GALNT16: variants seen among roughly 807,000 people sequenced by gnomAD.
The protein encoded by GALNT16 is polypeptide N-acetylgalactosaminyltransferase 16.
A neutral mutation model predicts 76.1 loss-of-function variants in GALNT16; 40 were observed. The ratio of observed to expected loss-of-function variants is 0.53; its 90% CI spans 0.41 to 0.68. The LOEUF is 0.68. Ranked by LOEUF, GALNT16 falls within the 30% of genes least tolerant of loss-of-function variation. The probability of loss-of-function intolerance (pLI) is 0.00; values close to 1 mark genes in which losing one functional copy is unlikely to be tolerated. For synonymous variants in GALNT16, 276 were observed against 285.2 expected (o/e 0.97, Z 0.32); for missense variants, 621 against 731.9 (o/e 0.85, Z 1.75).
chr14:69,347,312 C>T, intron 13 of GALNT16, 131 bp downstream of exon 13: 1 of 820,086 alleles, frequency 1.2e-6, no homozygotes, highest in Admixed American at 3.1e-5. Flanking sequence ...GCCAGGGGCC[C>T]CTAGACCCTG....
At chr14:69,262,145 G>GC (rs1357237851) in intron 1 of GALNT16, among the ~76,000 whole-genome samples, 1 of 152,220 alleles carries the variant, frequency 6.6e-6, no homozygotes, top group Non-Finnish European at 1.5e-5. Flanking sequence ...CTGGCCAGAT[G>GC]CTCTGTCCCT....
In GALNT16 at chr14:69,296,153, TGGCCAGTGTA is replaced by T. The variant is rs896370671; in HGVS notation, c.178-24555_178-24546del. 7.9e-4 allele frequency among the ~76,000 whole-genome samples: 121 copies of T among 152,274 alleles called. 1 individual carries two copies. Among genetic ancestry groups the T allele is most frequent in the Middle Eastern group, 3.4e-3 (1 of 294 alleles). On this transcript the variant is annotated intron_variant, in intron 1 of 14. Coordinates refer to ENST00000448469, the MANE Select transcript of GALNT16 (RefSeq NM_001168368.2). ...TAAAGGGGGTGTGAGCCACTTCACA[TGGCCAGTGTA>T]GGAGGAAGAGAGGAGGAGGAGGAGG...
At chr14:69,305,454 C>T (rs1004072865) in intron 1 of GALNT16, among the ~76,000 whole-genome samples, 5 of 152,132 alleles carry the variant, frequency 3.3e-5, no homozygotes, top group South Asian at 4.1e-4. Flanking sequence ...TGAGCCACTG[C>T]GCCTAGCCCT....
At chr14:69,339,104 G>A (rs1212023674) in intron 10 of GALNT16, among the ~76,000 whole-genome samples, 6 of 152,110 alleles carry the variant, frequency 3.9e-5, no homozygotes, top group African/African-American at 1.4e-4. Flanking sequence ...CCCCAACCCT[G>A]ACTTGATCAA....
chr14:69,361,639 G>A (rs1206729280), downstream of GALNT16, among the ~76,000 whole-genome samples: 4 of 152,312 alleles, frequency 2.6e-5, no homozygotes, highest in South Asian at 8.3e-4. Flanking sequence ...TAGAATGGAG[G>A]TAGGATGAGC....
the GALNT16 span, among the ~76,000 whole-genome samples, chr14:69,375,047 CAT>C: frequency 2.0e-5 from 3 of 152,218 alleles, no homozygotes; most frequent in Non-Finnish European, 2.9e-5. Flanking sequence ...GTTTCCAACA[CAT>C]AAACTTTGGG....
intron 7 of GALNT16, 104 bp from the exon 8 acceptor site, chr14:69,332,981 C>A: frequency 1.2e-6 from 1 of 817,618 alleles, no homozygotes; most frequent in Non-Finnish European, 2.2e-6. Context: ...CACGAAGAGC[C>A]CAGGGCTCTG....
rs1205492240 is a variant in GALNT16, at chr14:69,320,869, G to A, written c.335+1G>A. On this transcript the variant is annotated splice_donor_variant, in intron 2 of 14. Coordinates refer to ENST00000448469, the MANE Select transcript of GALNT16 (RefSeq NM_001168368.2). LOFTEE classifies it high-confidence loss of function. ...CCATCCGGGACACCCGCCATTACAGGTACGGCCTCCATCGTGTCAGTGGAG... is the reference window on the plus strand; with the variant it reads ...CCATCCGGGACACCCGCCATTACAGATACGGCCTCCATCGTGTCAGTGGAG... 4 of 1,613,378 alleles carry A rather than the reference G, an allele frequency of 2.5e-6. No homozygotes were observed. Among genetic ancestry groups the A allele is most frequent in the African/African-American group, 1.3e-5 (1 of 75,036 alleles).
chr14:69,361,952 A>T (rs1007194417), downstream of GALNT16, among the ~76,000 whole-genome samples: 1 of 152,222 alleles, frequency 6.6e-6, no homozygotes, highest in Non-Finnish European at 1.5e-5. Context: ...GACTGCAGTA[A>T]GCCGAAATCA....
At chr14:69,315,899 G>T (rs982528334) in intron 1 of GALNT16, among the ~76,000 whole-genome samples, 2 of 152,040 alleles carry the variant, frequency 1.3e-5, no homozygotes, top group Admixed American at 1.3e-4. Flanking sequence ...TTCAGACAAG[G>T]TTTCTCCATG....
chr14:69,352,304 C>T lies in GALNT16; in HGVS notation c.*136C>T. 5.0e-6 allele frequency: 4 copies of T among 802,698 alleles called. No individual in the cohort carries two copies. The highest frequency in any genetic ancestry group is 7.7e-6 in the Non-Finnish European group (4 of 520,826). The allele number at this position is 802,698 out of a possible 1,614,324, so 49.7% of individuals were successfully genotyped here. On this transcript the variant is annotated 3_prime_UTR_variant, in exon 15 of 15. Transcript: ENST00000448469. ...GACCATCAGCAAATACCCACCATGA[C>T]ACACGTTCTCCAAAGCTTGTTCTAG...
At chr14:69,300,756 G>A (rs1161930789) in intron 1 of GALNT16, among the ~76,000 whole-genome samples, 1 of 152,074 alleles carries the variant, frequency 6.6e-6, no homozygotes, top group African/African-American at 2.4e-5. Context: ...ATCTTTCAAA[G>A]CAAGAGGACA....
At chr14:69,293,498 G>A (rs1243919294) in intron 1 of GALNT16, among the ~76,000 whole-genome samples, 2 of 152,274 alleles carry the variant, frequency 1.3e-5, no homozygotes, top group East Asian at 1.9e-4. Context: ...AGCACTTATT[G>A]TATGTCAAGT....
chr14:69,383,790 A>C, the GALNT16 span, among the ~76,000 whole-genome samples: 2 of 152,302 alleles, frequency 1.3e-5, no homozygotes, highest in East Asian at 1.9e-4. Flanking sequence ...TGTTGCTTTA[A>C]TATAGCAAAT....
the GALNT16 span, among the ~76,000 whole-genome samples, chr14:69,386,072 C>G: frequency 1.3e-5 from 2 of 152,224 alleles, no homozygotes; most frequent in Admixed American, 1.3e-4. Flanking sequence ...AAGTACCATG[C>G]AACATTCATT....
At chr14:69,298,687 T>C (rs1393095101) in intron 1 of GALNT16, 1 of 152,250 alleles carries the variant, frequency 6.6e-6, no homozygotes, top group Non-Finnish European at 1.5e-5. Flanking sequence ...TAAGTGGTCC[T>C]TGTGACAGAA....
At chr14:69,266,007 A>G (rs569814873) in intron 1 of GALNT16, among the ~76,000 whole-genome samples, 15 of 152,190 alleles carry the variant, frequency 9.9e-5, no homozygotes, top group Non-Finnish European at 1.9e-4. Flanking sequence ...GATAGGTACC[A>G]TTGTTAAGTT....
chr14:69,267,440 C>T (rs937941176), intron 1 of GALNT16, among the ~76,000 whole-genome samples: 4 of 152,180 alleles, frequency 2.6e-5, no homozygotes, highest in Admixed American at 6.5e-5. Context: ...TTTTCCAGAC[C>T]CATTAGGAAC....
intron 12 of GALNT16, among the ~76,000 whole-genome samples, chr14:69,344,593 G>C (rs978247297): frequency 2.0e-5 from 3 of 152,154 alleles, no homozygotes; most frequent in African/African-American, 7.2e-5. Context: ...GCTGCTCCAG[G>C]ACTGCTACCA....
Sources: allele counts gnomAD v4.1 joint callset (sites outside exome capture counted in the v4.1 genomes callset), GRCh38; gene constraint gnomAD v4.1.1; transcripts MANE v1.5; gene names NCBI Gene and HGNC (gene_info 2026-07-23, HGNC 2026-07-21).